SFI1: variants seen among roughly 807,000 people sequenced by gnomAD.
The protein encoded by SFI1 is protein SFI1 homolog.
SFI1 carries 195 observed loss-of-function variants against 207.5 expected under a neutral mutation model. The ratio of observed to expected loss-of-function variants is 0.94; its 90% CI spans 0.84 to 1.06. The LOEUF (loss-of-function observed/expected upper bound fraction) is 1.06. Among genes scored for constraint, SFI1 ranks in the 50% least tolerant of loss-of-function variants. The probability of loss-of-function intolerance (pLI) is 0.00; values close to 1 mark genes in which losing one functional copy is unlikely to be tolerated. For synonymous variants in SFI1, 630 were observed against 598.9 expected (o/e 1.05, Z -0.76); for missense variants, 1,634 against 1,588.0 (o/e 1.03, Z -0.49).
chr22:31,602,123 G>A, intron 15 of SFI1, 89 bp from the exon 16 acceptor site: 1 of 1,161,944 alleles, frequency 8.6e-7, no homozygotes, highest in South Asian at 1.2e-5. Context: ...GGTATAAAAG[G>A]AAAAATCCAA....
intron 6 of SFI1, among the ~76,000 whole-genome samples, chr22:31,554,534 T>G (rs936980040): frequency 2.0e-5 from 3 of 151,440 alleles, no homozygotes; most frequent in African/African-American, 7.3e-5. Flanking sequence ...GGTCTTGATC[T>G]CCTGACCTCG....
chr22:31,582,225 T>A (rs1731031318), intron 12 of SFI1, among the ~76,000 whole-genome samples: 1 of 45,654 alleles, frequency 2.2e-5, no homozygotes, highest in Non-Finnish European at 4.4e-5. Context: ...TATATATATA[T>A]ATATATATAT....
intron 9 of SFI1, among the ~76,000 whole-genome samples, chr22:31,574,318 T>G (rs1229323906): frequency 6.6e-6 from 1 of 152,186 alleles, no homozygotes; most frequent in Non-Finnish European, 1.5e-5. Context: ...GTGAAGGCAT[T>G]AAGCTGTTTA....
intron 14 of SFI1, among the ~76,000 whole-genome samples, chr22:31,586,796 A>G (rs1279718350): frequency 6.6e-6 from 1 of 152,158 alleles, no homozygotes; most frequent in African/African-American, 2.4e-5. Context: ...CAGGGGCCCA[A>G]CACTGGCGGA....
At chr22:31,523,946 CTT>C (rs563840359) in intron 2 of SFI1, among the ~76,000 whole-genome samples, 17 of 135,758 alleles carry the variant, frequency 1.3e-4, no homozygotes, top group African/African-American at 8.1e-5. Flanking sequence ...GCAAGGACTA[CTT>C]TTTTTTTTTT....
At chr22:31,612,394 A>ATATATATATATATAT (rs1367477107) in intron 24 of SFI1, 1 of 107,346 alleles carries the variant, frequency 9.3e-6, no homozygotes, top group African/African-American at 3.7e-5. Flanking sequence ...AAAAAAAAAA[A>ATATATATATATATAT]AAAAATATAT....
chr22:31,529,012 G>C, intron 3 of SFI1, 149 bp downstream of exon 3: 1 of 707,946 alleles, frequency 1.4e-6, no homozygotes, highest in Non-Finnish European at 2.2e-6. Flanking sequence ...AGATGAAAAG[G>C]ATATTCAGGA....
intron 14 of SFI1, among the ~76,000 whole-genome samples, chr22:31,588,519 C>T (rs1419880462): frequency 6.6e-6 from 1 of 152,162 alleles, no homozygotes; most frequent in Admixed American, 6.5e-5. Flanking sequence ...GTTTTTAAAA[C>T]CTCTACACAT....
chr22:31,512,365 A>AT (rs1725514834), intron 2 of SFI1, among the ~76,000 whole-genome samples: 1 of 152,072 alleles, frequency 6.6e-6, no homozygotes, highest in Non-Finnish European at 1.5e-5. Context: ...CAAAAAAAAA[A>AT]AAAAAATTAC....
chr22:31,609,041 A>C (rs1282531424), intron 22 of SFI1, among the ~76,000 whole-genome samples: 1 of 151,850 alleles, frequency 6.6e-6, no homozygotes, highest in South Asian at 2.1e-4. Context: ...TCTGTCTCCC[A>C]GGCTGGAGTG....
At chr22:31,539,629 ACT>A (rs1453513221) in intron 4 of SFI1, among the ~76,000 whole-genome samples, 1 of 151,372 alleles carries the variant, frequency 6.6e-6, no homozygotes, top group East Asian at 1.9e-4. Flanking sequence ...ATTTTTGGTC[ACT>A]CTGTCATGTT....
chr22:31,528,617 A>G, intron 2 of SFI1, 73 bp from the exon 3 acceptor site: 1 of 1,357,310 alleles, frequency 7.4e-7, no homozygotes, highest in Non-Finnish European at 1.0e-6. Flanking sequence ...TTTTGCTTGT[A>G]TATTAAAAGT....
intron 22 of SFI1, among the ~76,000 whole-genome samples, chr22:31,608,696 T>G (rs1307012942): frequency 1.3e-5 from 2 of 151,074 alleles, no homozygotes; most frequent in South Asian, 2.1e-4. Flanking sequence ...GGGGAGGGGG[T>G]TGTTTTGATG....
chr22:31,603,920 T>C, intron 18 of SFI1, 101 bp downstream of exon 18: 1 of 1,093,008 alleles, frequency 9.1e-7, no homozygotes, highest in Non-Finnish European at 1.3e-6. Context: ...ACCACCTACC[T>C]CTGAGCTGAA....
intron 1 of SFI1, among the ~76,000 whole-genome samples, chr22:31,496,883 G>A (rs1482068506): frequency 1.3e-5 from 2 of 152,218 alleles, no homozygotes; most frequent in Non-Finnish European, 1.5e-5. Context: ...GCGTCTTCTC[G>A]GCTTCTTGTC....
chr22:31,500,277 CAA>C (rs150915256), intron 1 of SFI1, among the ~76,000 whole-genome samples: 58,437 of 98,826 alleles, frequency 0.59, 15,337 homozygotes, highest in Non-Finnish European at 0.65. Context: ...GACTCTGTCT[CAA>C]AAAAAAAAAA....
chr22:31,499,175 T>TA (rs1456627055), intron 1 of SFI1, among the ~76,000 whole-genome samples: 1 of 151,328 alleles, frequency 6.6e-6, no homozygotes, highest in African/African-American at 2.4e-5. Flanking sequence ...CCTCGCTAAT[T>TA]TTTTTTTTGA....
At chr22:31,515,320 C>CGT (rs3068283) in intron 2 of SFI1, among the ~76,000 whole-genome samples, 5,394 of 150,242 alleles carry the variant, frequency 0.036, 146 homozygotes, top group African/African-American at 0.081. Flanking sequence ...TCTCATTGTT[C>CGT]GTGTGTGTGT....
chr22:31,539,659 G>A (rs1274898478), intron 4 of SFI1, among the ~76,000 whole-genome samples: 1 of 151,838 alleles, frequency 6.6e-6, no homozygotes, highest in East Asian at 1.9e-4. Context: ...TTCCTCAAAT[G>A]TCAAGAGATT....
Sources: allele counts gnomAD v4.1 joint callset (sites outside exome capture counted in the v4.1 genomes callset), GRCh38; gene constraint gnomAD v4.1.1; transcripts MANE v1.5; gene names NCBI Gene and HGNC (gene_info 2026-07-23, HGNC 2026-07-21).